Variants in MTA3 observed in about 807,000 individuals in gnomAD.
MTA3 encodes the protein metastasis associated 1 family member 3, also known as metastasis-associated protein MTA3.
A neutral mutation model predicts 83.5 loss-of-function variants in MTA3; 34 were observed. That is an observed-to-expected ratio of 0.41 (90% CI 0.31 to 0.54). MTA3 has a LOEUF of 0.54. Among genes scored for constraint, MTA3 ranks in the 20% least tolerant of loss-of-function variants. The probability of loss-of-function intolerance (pLI) is 0.33; values close to 1 mark genes in which losing one functional copy is unlikely to be tolerated. For synonymous variants in MTA3, 303 were observed against 252.7 expected (o/e 1.20, Z -1.89); for missense variants, 761 against 726.4 (o/e 1.05, Z -0.55).
chr2:42,565,508 A>G (rs1677871505), upstream of MTA3, among the ~76,000 whole-genome samples: 1 of 152,080 alleles, frequency 6.6e-6, no homozygotes, highest in Admixed American at 6.5e-5. Flanking sequence ...CTTCAACTAA[A>G]TGGTAAAGAA....
chr2:42,644,541 A>G (rs1054840693), intron 6 of MTA3, among the ~76,000 whole-genome samples: 2 of 152,162 alleles, frequency 1.3e-5, no homozygotes, highest in Non-Finnish European at 2.9e-5. Flanking sequence ...TTAGAATTAC[A>G]AAATTGCCTC....
intron 2 of MTA3, among the ~76,000 whole-genome samples, chr2:42,562,761 C>T (rs1677729910): frequency 6.6e-6 from 1 of 152,138 alleles, no homozygotes; most frequent in Admixed American, 6.6e-5. Context: ...ATGGTAACAC[C>T]AGAAGTGGCT....
Position 42,754,542 on chromosome 2 carries a change from G to A in MTA3, c.*1143G>A. The A allele has an allele frequency of 4.1e-6, 4 of 985,454 alleles. No homozygotes were observed. Among genetic ancestry groups the A allele is most frequent in the Non-Finnish European group, 3.6e-6 (3 of 829,952 alleles). 61.0% of individuals were successfully genotyped at this position (985,454 alleles called of 1,614,324 possible). A position where few individuals can be genotyped will look rare whatever the true frequency, so the allele number is the denominator to read the frequency against. On this transcript the variant is annotated 3_prime_UTR_variant, in exon 17 of 17. Coordinates refer to ENST00000405094, the MANE Select transcript of MTA3 (RefSeq NM_001330442.2). The stretch of plus-strand genomic sequence containing the variant: ...TGTGCTGAGTAGCTGTGCTACTTGT[G>A]CTGGCAGCTGCAAGGATAGGAATAG...
At chr2:42,716,766 T>C (rs1405879192) in intron 14 of MTA3, among the ~76,000 whole-genome samples, 1 of 152,246 alleles carries the variant, frequency 6.6e-6, no homozygotes, top group Non-Finnish European at 1.5e-5. Flanking sequence ...ATGTCTTTAC[T>C]ATTGTGAATA....
chr2:42,614,103 TTC>T (rs1491582778), intron 4 of MTA3: 3 of 152,244 alleles, frequency 2.0e-5, no homozygotes, highest in Non-Finnish European at 4.4e-5. Context: ...TTAATAGATT[TTC>T]TTTTTTTCTG....
intron 9 of MTA3, among the ~76,000 whole-genome samples, chr2:42,691,675 C>T (rs954609247): frequency 1.3e-5 from 2 of 152,200 alleles, no homozygotes; most frequent in African/African-American, 4.8e-5. Context: ...GATTAAAGAA[C>T]TCCCTTTAGC....
chr2:42,694,704 G>A lies in MTA3; in HGVS notation c.892-1061G>A, dbSNP rs542968218. ...TGTCTTCCTCAATGCCTCTTTCAAG[G>A]ATTTGCAGAGACCAGATGACACACA... On this transcript the variant is annotated intron_variant, in intron 9 of 16. Coordinates refer to ENST00000405094, the MANE Select transcript of MTA3 (RefSeq NM_001330442.2). Among the ~76,000 whole-genome samples the A allele has an allele frequency of 5.3e-5, 8 of 152,272 alleles. No individual in the cohort carries two copies. In the South Asian group the frequency reaches 1.7e-3, roughly 32 times the overall value.
chr2:42,584,935 A>G (rs1680089793), intron 3 of MTA3, among the ~76,000 whole-genome samples: 1 of 142,468 alleles, frequency 7.0e-6, no homozygotes, highest in African/African-American at 2.6e-5. Flanking sequence ...AAGCCATAAG[A>G]TTTTTTTTTT....
intron 2 of MTA3, among the ~76,000 whole-genome samples, chr2:42,506,809 G>A (rs1298671293): frequency 6.6e-6 from 1 of 151,848 alleles, no homozygotes; most frequent in Non-Finnish European, 1.5e-5. Flanking sequence ...GTTTCACCAT[G>A]TTGGCCAGGC....
At chr2:42,726,624 C>A (rs1667840029) in intron 16 of MTA3, among the ~76,000 whole-genome samples, 2 of 152,062 alleles carry the variant, frequency 1.3e-5, no homozygotes, top group Admixed American at 6.6e-5. Flanking sequence ...TTTGTCCTTG[C>A]ATTGCAGGTT....
chr2:42,702,146 G>A (rs1665634696), intron 11 of MTA3, among the ~76,000 whole-genome samples: 2 of 152,322 alleles, frequency 1.3e-5, no homozygotes, highest in South Asian at 2.1e-4. Flanking sequence ...GGGAGGTGGA[G>A]GTTGCAGTGA....
At chr2:42,594,722 ATATATATTTT>A (rs1190877489) in intron 3 of MTA3, among the ~76,000 whole-genome samples, 1 of 34,770 alleles carries the variant, frequency 2.9e-5, no homozygotes, top group African/African-American at 1.9e-4. Flanking sequence ...ATATATATAT[ATATATATTTT>A]TTTTTTTTTT....
At chr2:42,670,368 C>T (rs1454078124) in intron 8 of MTA3, among the ~76,000 whole-genome samples, 2 of 152,106 alleles carry the variant, frequency 1.3e-5, no homozygotes, top group Non-Finnish European at 2.9e-5. Context: ...ACCATCTTTA[C>T]CACATTTGCT....
At chr2:42,672,149 T>A (rs1690853416) in intron 8 of MTA3, among the ~76,000 whole-genome samples, 1 of 152,074 alleles carries the variant, frequency 6.6e-6, no homozygotes, top group Non-Finnish European at 1.5e-5. Flanking sequence ...GGAAATGACA[T>A]CTGGGGACAT....
intron 4 of MTA3, among the ~76,000 whole-genome samples, chr2:42,625,849 A>G (rs1686024694): frequency 6.6e-6 from 1 of 150,578 alleles, no homozygotes; most frequent in Non-Finnish European, 1.5e-5. Flanking sequence ...TGTTGCCTAA[A>G]TTGTTTCTTC....
chr2:42,633,665 G>A (rs900492137), intron 4 of MTA3, among the ~76,000 whole-genome samples: 2 of 152,072 alleles, frequency 1.3e-5, no homozygotes, highest in African/African-American at 4.8e-5. Flanking sequence ...GCCGAGGCGG[G>A]CGGATCACAA....
chr2:42,676,782 T>C (rs1366998102), intron 8 of MTA3, among the ~76,000 whole-genome samples: 1 of 152,088 alleles, frequency 6.6e-6, no homozygotes, highest in African/African-American at 2.4e-5. Flanking sequence ...AAAAGATAAA[T>C]TATTTTTATT....
chr2:42,523,655 G>C (rs527455694), intron 2 of MTA3, among the ~76,000 whole-genome samples: 4 of 152,250 alleles, frequency 2.6e-5, no homozygotes, highest in African/African-American at 9.6e-5. Context: ...GCGCATGCTT[G>C]TAACCCCAGC....
In MTA3 at chr2:42,752,356, C is replaced by A. The variant is rs182039452; in HGVS notation, c.1760-1018C>A. ...TGGCAGCAGGGTGATGTGCCTGGGG[C>A]AGAGAATATCTGAGCATCTTATCCC... On this transcript the variant is annotated intron_variant, in intron 16 of 16. Coordinates refer to ENST00000405094, the MANE Select transcript of MTA3 (RefSeq NM_001330442.2). The A allele has an allele frequency of 8.7e-6, 4 of 457,994 alleles. No individual in the cohort carries two copies. The East Asian group carries it at 2.1e-4, about 24-fold the overall frequency. The allele number at this position is 457,994 out of a possible 1,614,324, so 28.4% of individuals were successfully genotyped here. A position where few individuals can be genotyped will look rare whatever the true frequency, so the allele number is the denominator to read the frequency against.
Sources: allele counts gnomAD v4.1 joint callset (sites outside exome capture counted in the v4.1 genomes callset), GRCh38; gene constraint gnomAD v4.1.1; transcripts MANE v1.5; gene names NCBI Gene and HGNC (gene_info 2026-07-23, HGNC 2026-07-21).